The following CFAP144 variants were observed in gnomAD, a reference collection of about 807,000 sequenced individuals.
The protein encoded by CFAP144 is cilia- and flagella-associated protein 144.
At chr1:43,152,678 G>A in the CFAP144 span, 20 of 732,440 alleles carry the variant, frequency 2.7e-5, no homozygotes, top group African/African-American at 3.5e-4. Context: ...GATGAGTGGA[G>A]AGACCAGACA....
At chr1:43,152,617 C>T in the CFAP144 span, 2 of 487,348 alleles carry the variant, frequency 4.1e-6, no homozygotes, top group Non-Finnish European at 7.3e-6. Context: ...ATGCCCAGCG[C>T]CCGGAAGCAT....
chr1:43,153,711 G>T, the CFAP144 span, among the ~76,000 whole-genome samples: 3 of 151,106 alleles, frequency 2.0e-5, no homozygotes, highest in African/African-American at 7.3e-5. Context: ...AAAAATGGAC[G>T]TGTGAGTAAG....
the CFAP144 span, among the ~76,000 whole-genome samples, chr1:43,152,257 A>G: frequency 2.6e-5 from 4 of 152,234 alleles, no homozygotes; most frequent in African/African-American, 9.6e-5. Flanking sequence ...ATTTCAATAC[A>G]CAAAGATTTG....
the CFAP144 span, among the ~76,000 whole-genome samples, chr1:43,155,691 GC>G: frequency 2.6e-5 from 4 of 152,330 alleles, no homozygotes; most frequent in African/African-American, 9.6e-5. Flanking sequence ...GAAGCTCCCT[GC>G]CCCCTGGCAG....
the CFAP144 span, among the ~76,000 whole-genome samples, chr1:43,143,482 A>G: frequency 6.6e-6 from 1 of 152,098 alleles, no homozygotes; most frequent in Non-Finnish European, 1.5e-5. Flanking sequence ...ACCAGAGAGA[A>G]TAGGTGAGCA....
chr1:43,149,180 C>T, the CFAP144 span, among the ~76,000 whole-genome samples: 2 of 152,220 alleles, frequency 1.3e-5, no homozygotes, highest in Non-Finnish European at 2.9e-5. Flanking sequence ...AAATCCTTCT[C>T]ATAGCCTCTG....
chr1:43,148,152 G>A, the CFAP144 span: 48 of 1,530,204 alleles, frequency 3.1e-5, no homozygotes, highest in Non-Finnish European at 4.3e-5. Context: ...GAGCCCTCCG[G>A]GTTGCGGGGT....
the CFAP144 span, among the ~76,000 whole-genome samples, chr1:43,147,262 G>T: frequency 1.3e-5 from 2 of 152,216 alleles, no homozygotes; most frequent in Admixed American, 1.3e-4. Flanking sequence ...TGTTTAATGG[G>T]TGTGAAAAAG....
the CFAP144 span, among the ~76,000 whole-genome samples, chr1:43,149,098 G>T: frequency 1.3e-5 from 2 of 152,034 alleles, no homozygotes; most frequent in Non-Finnish European, 2.9e-5. Context: ...TGGCCCCTCC[G>T]ACCAAACCCC....
chr1:43,147,954 G>A, the CFAP144 span: 38 of 1,613,924 alleles, frequency 2.4e-5, no homozygotes, highest in African/African-American at 4.4e-4. Flanking sequence ...CCAAGGCCAT[G>A]GCGGGACACC....
At chr1:43,151,007 A>T in the CFAP144 span, among the ~76,000 whole-genome samples, 1 of 144,762 alleles carries the variant, frequency 6.9e-6, no homozygotes, top group Admixed American at 6.9e-5. Flanking sequence ...TAGATAGAAT[A>T]AAAAAAATAA....
At chr1:43,147,083 G>T in the CFAP144 span, among the ~76,000 whole-genome samples, 1 of 152,216 alleles carries the variant, frequency 6.6e-6, no homozygotes, top group African/African-American at 2.4e-5. Flanking sequence ...GACCTCAGGT[G>T]ATCCACCTGC....
chr1:43,143,868 C>G, the CFAP144 span, among the ~76,000 whole-genome samples: 10 of 109,856 alleles, frequency 9.1e-5, no homozygotes, highest in Non-Finnish European at 1.2e-4. Context: ...TCTGTGCTCC[C>G]TCCTACCTGC....
At chr1:43,150,524 C>G in the CFAP144 span, among the ~76,000 whole-genome samples, 15 of 152,320 alleles carry the variant, frequency 9.8e-5, no homozygotes, top group Middle Eastern at 3.4e-3. Context: ...TTTAGTTATT[C>G]AAATTCAAGG....
At chr1:43,149,303 T>G in the CFAP144 span, among the ~76,000 whole-genome samples, 12 of 152,202 alleles carry the variant, frequency 7.9e-5, no homozygotes, top group African/African-American at 2.9e-4. Context: ...TAAGAAATAC[T>G]TTGGTGCCTA....
the CFAP144 span, chr1:43,152,871 G>A: frequency 6.2e-7 from 1 of 1,613,442 alleles, no homozygotes; most frequent in Non-Finnish European, 8.5e-7. Flanking sequence ...AGGGACCAAG[G>A]AAGAAGTACC....
At chr1:43,147,745 C>T in the CFAP144 span, 2 of 1,423,734 alleles carry the variant, frequency 1.4e-6, no homozygotes, top group African/African-American at 2.9e-5. Flanking sequence ...GGGCGGGGCG[C>T]GAAATAAGAT....
the CFAP144 span, among the ~76,000 whole-genome samples, chr1:43,155,149 A>G: frequency 6.6e-6 from 1 of 152,236 alleles, no homozygotes; most frequent in Non-Finnish European, 1.5e-5. Flanking sequence ...TCATTCAAGG[A>G]AAGAATCTTT....
chr1:43,154,243 A>G, the CFAP144 span, among the ~76,000 whole-genome samples: 1 of 145,238 alleles, frequency 6.9e-6, no homozygotes, highest in Non-Finnish European at 1.5e-5. Flanking sequence ...TAAAAATTAT[A>G]TAAAATATTA....
Sources: gnomAD v4.1 joint callset for allele counts (sites outside exome capture counted in the v4.1 genomes callset) on GRCh38, gnomAD v4.1.1 for gene constraint, MANE v1.5 for transcripts, NCBI Gene and HGNC (gene_info 2026-07-23, HGNC 2026-07-21) for gene names.